Variants in FRMPD4 observed in about 807,000 individuals in gnomAD.
FRMPD4 encodes the protein FERM and PDZ domain containing 4.
In FRMPD4, 22 loss-of-function variants were observed where a neutral mutation model predicts 94.1. The ratio of observed to expected loss-of-function variants is 0.23; its 90% CI spans 0.17 to 0.33. The LOEUF is 0.33. Among genes scored for constraint, FRMPD4 ranks in the 10% least tolerant of loss-of-function variants. The pLI is 1.00. For missense variants in FRMPD4, 1,111 were observed against 1,339.9 expected (o/e 0.83, Z 2.67); for synonymous variants, 631 against 548.6 (o/e 1.15, Z -2.10).
intron 1 of FRMPD4, among the ~76,000 whole-genome samples, chrX:12,486,884 G>C (rs1008310874): frequency 8.9e-6 from 1 of 112,003 alleles, no homozygotes; most frequent in Non-Finnish European, 1.9e-5. Context: ...GGAGCAGATG[G>C]ATTGAAAAAA....
chrX:12,017,548 T>G (rs1174915837), intron 3 of FRMPD4, among the ~76,000 whole-genome samples: 4 of 112,138 alleles, frequency 3.6e-5, no homozygotes, highest in African/African-American at 6.5e-5. Context: ...CAATAAATGG[T>G]CAGTGAAGGG....
chrX:12,006,613 TC>T (rs2054555505), intron 3 of FRMPD4, among the ~76,000 whole-genome samples: 1 of 111,804 alleles, frequency 8.9e-6, no homozygotes, highest in Admixed American at 9.5e-5. Context: ...GCCCAGCCAC[TC>T]CCTAGGAGGG....
At chrX:12,381,823 T>C (rs976010963) in intron 1 of FRMPD4, among the ~76,000 whole-genome samples, 1 of 111,473 alleles carries the variant, frequency 9.0e-6, no homozygotes, top group African/African-American at 3.3e-5. Flanking sequence ...CATAAGAAGG[T>C]CTTCACCCAT....
At chrX:11,970,876 C>A (rs749053664) in intron 3 of FRMPD4, among the ~76,000 whole-genome samples, 1 of 112,026 alleles carries the variant, frequency 8.9e-6, no homozygotes, top group Non-Finnish European at 1.9e-5. Context: ...TGGATAATTA[C>A]CCCGTGGCTC....
At chrX:12,190,816 G>A (rs1310361583) in intron 1 of FRMPD4, among the ~76,000 whole-genome samples, 3 of 110,561 alleles carry the variant, frequency 2.7e-5, no homozygotes, top group Non-Finnish European at 5.7e-5. Flanking sequence ...AATAACTTTG[G>A]AGAATACCTA....
chrX:12,091,204 C>T (rs1482681479), intron 3 of FRMPD4, among the ~76,000 whole-genome samples: 2 of 111,574 alleles, frequency 1.8e-5, no homozygotes, highest in South Asian at 3.8e-4. Flanking sequence ...GCACCAGGAG[C>T]TTCAAGGACA....
At chrX:12,611,291 G>C (rs932527689) in intron 3 of FRMPD4, among the ~76,000 whole-genome samples, 39 of 111,967 alleles carry the variant, frequency 3.5e-4, no homozygotes, top group African/African-American at 1.2e-3. Flanking sequence ...TTCTTCATAG[G>C]ATTTTGCAAA....
intron 3 of FRMPD4, among the ~76,000 whole-genome samples, chrX:11,989,950 A>G (rs988951632): frequency 1.8e-5 from 2 of 111,540 alleles, no homozygotes; most frequent in Admixed American, 1.9e-4. Flanking sequence ...CCGTGATTCC[A>G]CTCCTAGGTA....
At position 12,721,397 on chromosome X, in the gene FRMPD4, C is replaced by A; in HGVS notation, c.4828C>A (p.Gln1610Lys). The stretch of plus-strand genomic sequence containing the variant: ...AATGCCTGATGGGTTCCTTGCAGCC[C>A]AAAATGATGCCAATGAGCTGCTCTG... ...YAMPDGFLAAQNDANELLCLV... is the reference protein window; with the variant it reads ...YAMPDGFLAAKNDANELLCLV... Residue 1610 changes from glutamine (Q) to lysine (K), a missense_variant, in exon 17 of 17, where the codon CAA becomes AAA. Gln to Lys is a moderately conservative substitution (Grantham distance 53). Around this residue, in one of 8 missense-constraint regions of FRMPD4, gnomAD observed 551 missense variants for 591.6 expected, o/e 0.93. Transcript: ENST00000675598. 1 of 754,852 alleles carries A rather than the reference C, an allele frequency of 1.3e-6. No individual in the cohort carries two copies. The allele number at this position is 754,852 out of a possible 1,213,427, so 62.2% of individuals were successfully genotyped here. A position where few individuals can be genotyped will look rare whatever the true frequency, so the allele number is the denominator to read the frequency against.
At chrX:12,467,185 A>G (rs1353562758) in intron 1 of FRMPD4, among the ~76,000 whole-genome samples, 2 of 102,457 alleles carry the variant, frequency 2.0e-5, no homozygotes, top group Non-Finnish European at 3.9e-5. Flanking sequence ...TGTAGTCTCA[A>G]AAAAAAAAAA....
intron 3 of FRMPD4, among the ~76,000 whole-genome samples, chrX:12,114,732 T>C (rs1305820181): frequency 1.8e-5 from 2 of 112,718 alleles, no homozygotes; most frequent in Admixed American, 9.4e-5. Context: ...ATAACTCTCA[T>C]ATTTAATTTT....
chrX:12,341,521 G>T, intron 1 of FRMPD4: 1 of 277,356 alleles, frequency 3.6e-6, no homozygotes, highest in Non-Finnish European at 7.1e-6. Flanking sequence ...ACCATTTACT[G>T]AGTGTTTGTT....
In FRMPD4 at chrX:11,849,658, T is replaced by C. The variant is rs376696115; in HGVS notation, c.-160-15428T>C. 1.6e-4 allele frequency among the ~76,000 whole-genome samples: 17 copies of C among 106,218 alleles called. No homozygotes were observed. The South Asian group carries it at 3.2e-3, about 20-fold the overall frequency. The allele number at this position is 106,218 out of a possible 115,157, so 92.2% of individuals were successfully genotyped here. A position where few individuals can be genotyped will look rare whatever the true frequency, so the allele number is the denominator to read the frequency against. ...ATTTTTAATGAGAGTGCCAAGACAA[T>C]TCAATGTGGGAAAGGACAGGTTTTT... On this transcript the variant is annotated intron_variant, in intron 1 of 18. Transcript: ENST00000640291.
At chrX:12,515,507 G>T (rs894502459) in intron 2 of FRMPD4, among the ~76,000 whole-genome samples, 2 of 111,798 alleles carry the variant, frequency 1.8e-5, no homozygotes, top group Non-Finnish European at 3.8e-5. Context: ...GGTTTTGAGC[G>T]AGTTTCTTAA....
chrX:11,887,024 A>T (rs1311154372), intron 3 of FRMPD4, among the ~76,000 whole-genome samples: 1 of 111,217 alleles, frequency 9.0e-6, no homozygotes, highest in Non-Finnish European at 1.9e-5. Flanking sequence ...GCATTTATTC[A>T]TGTGTCTATT....
At position 12,217,557 on chromosome X, in the gene FRMPD4, A is replaced by G. The variant is rs771838200; in HGVS notation, c.41+78545A>G. On this transcript the variant is annotated intron_variant, in intron 1 of 16. Transcript: ENST00000675598. ...CACATAGGTACTTGATAAGCTTGAT[A>G]CTCTTAATTGGCAAACTGGATTTTC... is the stretch of plus-strand genomic sequence containing the variant. 1.3e-4 allele frequency among the ~76,000 whole-genome samples: 15 copies of G among 111,942 alleles called. No individual in the cohort carries two copies. In the South Asian group the frequency reaches 5.6e-3, roughly 41 times the overall value.
At chrX:12,322,765 G>T (rs2055226016) in intron 1 of FRMPD4, among the ~76,000 whole-genome samples, 1 of 111,761 alleles carries the variant, frequency 8.9e-6, no homozygotes, top group African/African-American at 3.2e-5. Flanking sequence ...TAATGAGATA[G>T]AATAAGACAG....
At chrX:12,679,113 G>A (rs1268698526) in intron 5 of FRMPD4, among the ~76,000 whole-genome samples, 2 of 112,168 alleles carry the variant, frequency 1.8e-5, no homozygotes, top group African/African-American at 6.5e-5. Context: ...GAGCATACCA[G>A]CCCAATTTCC....
At chrX:12,286,983 T>C (rs921292248) in intron 1 of FRMPD4, among the ~76,000 whole-genome samples, 1 of 111,955 alleles carries the variant, frequency 8.9e-6, no homozygotes, top group African/African-American at 3.2e-5. Context: ...CAAGAACTCT[T>C]GGGAGAATGG....
Sources: gnomAD v4.1 joint callset for allele counts (sites outside exome capture counted in the v4.1 genomes callset) on GRCh38, gnomAD v4.1.1 for gene constraint, gnomAD v4.1.1 regional missense constraint, MANE v1.5 for transcripts, NCBI Gene and HGNC (gene_info 2026-07-23, HGNC 2026-07-21) for gene names.